Variants in NR2C2 observed in about 807,000 individuals in gnomAD.
The protein encoded by NR2C2 is Nuclear hormone receptor TR4.
A neutral mutation model predicts 62.9 loss-of-function variants in NR2C2; 6 were observed. The ratio of observed to expected loss-of-function variants is 0.10; its 90% CI spans 0.05 to 0.19. NR2C2 has a LOEUF of 0.19. Among genes scored for constraint, NR2C2 ranks in the 10% least tolerant of loss-of-function variants. The probability of loss-of-function intolerance (pLI) is 1.00; values close to 1 mark genes in which losing one functional copy is unlikely to be tolerated. For synonymous variants in NR2C2, 272 were observed against 273.8 expected (o/e 0.99, Z 0.07); for missense variants, 479 against 762.7 (o/e 0.63, Z 4.38).
rs781624185 is a variant in NR2C2 at position 15,035,984 on chromosome 3, C to T, written c.1372+1175C>T. On this transcript the variant is annotated intron_variant, in intron 11 of 13. Transcript: ENST00000425241. ...CGGAGGTTGCAGTGAGCCGAGATCA[C>T]GCCACTGCACTGCAGCCTGGGCAAC... Among the ~76,000 whole-genome samples, 9 of 151,514 alleles carry T rather than the reference C, an allele frequency of 5.9e-5. No homozygotes were observed. In the East Asian group the frequency reaches 1.6e-3, roughly 26 times the overall value.
chr3:15,034,315 C>T (rs750233589), intron 10 of NR2C2: 8 of 174,442 alleles, frequency 4.6e-5, no homozygotes, highest in Non-Finnish European at 8.5e-5. Context: ...CTCTCATGAC[C>T]TTGGCTGCAG....
chr3:15,023,533 T>C (rs2041735634), intron 6 of NR2C2, among the ~76,000 whole-genome samples, 186 bp downstream of exon 6: 1 of 152,206 alleles, frequency 6.6e-6, no homozygotes, highest in Non-Finnish European at 1.5e-5. Flanking sequence ...ATGCCTGATT[T>C]ATGAAGGGGT....
intron 1 of NR2C2, among the ~76,000 whole-genome samples, chr3:14,965,451 G>A (rs76636254): frequency 0.017 from 2,356 of 138,428 alleles, 66 homozygotes; most frequent in African/African-American, 0.059. Context: ...AAAATTTTCT[G>A]CCAAATACCT....
chr3:15,023,076 C>A, intron 5 of NR2C2, 124 bp from the exon 6 acceptor site: 2 of 1,051,658 alleles, frequency 1.9e-6, no homozygotes, highest in Non-Finnish European at 2.7e-6. Flanking sequence ...ACTGTGAAAG[C>A]TGAGCTAGAT....
At chr3:15,017,540 G>C (rs772039291) in intron 4 of NR2C2, among the ~76,000 whole-genome samples, 1 of 152,104 alleles carries the variant, frequency 6.6e-6, no homozygotes, top group East Asian at 1.9e-4. Context: ...AAGCATGAAC[G>C]TAACAAAAGG....
At chr3:15,018,171 G>A (rs1326199261) in intron 4 of NR2C2, among the ~76,000 whole-genome samples, 1 of 152,106 alleles carries the variant, frequency 6.6e-6, no homozygotes, top group African/African-American at 2.4e-5. Flanking sequence ...GCTAATTTTT[G>A]TATTTTTAGT....
At chr3:14,952,059 T>C (rs2039379682) in intron 1 of NR2C2, among the ~76,000 whole-genome samples, 1 of 152,230 alleles carries the variant, frequency 6.6e-6, no homozygotes, top group African/African-American at 2.4e-5. Context: ...GGGAAGTTTT[T>C]AGCATCTGTC....
At chr3:14,989,587 G>C (rs1009391996) in intron 1 of NR2C2, among the ~76,000 whole-genome samples, 94 of 152,124 alleles carry the variant, frequency 6.2e-4, no homozygotes, top group African/African-American at 2.1e-3. Context: ...ATGAGTTCAG[G>C]TATCAGTCTG....
intron 1 of NR2C2, among the ~76,000 whole-genome samples, chr3:14,989,106 G>A (rs898492424): frequency 6.6e-6 from 1 of 152,178 alleles, no homozygotes; most frequent in Admixed American, 6.5e-5. Flanking sequence ...ATGTCCATCA[G>A]GGGGCTACAG....
chr3:14,948,987 T>C (rs2039251939), intron 1 of NR2C2, among the ~76,000 whole-genome samples: 1 of 152,172 alleles, frequency 6.6e-6, no homozygotes. Flanking sequence ...GAAAATGGTG[T>C]TATTGTTAAA....
At chr3:15,040,065 G>GA (rs1441648930) in intron 13 of NR2C2, among the ~76,000 whole-genome samples, 4 of 151,954 alleles carry the variant, frequency 2.6e-5, no homozygotes, top group African/African-American at 9.7e-5. Flanking sequence ...TGAGGCAGGA[G>GA]AATCTCTTGA....
At chr3:15,032,919 T>C (rs901015137) in intron 10 of NR2C2, among the ~76,000 whole-genome samples, 12 of 152,142 alleles carry the variant, frequency 7.9e-5, no homozygotes, top group Non-Finnish European at 1.2e-4. Context: ...ACAGTGCCAA[T>C]TGGCACATTG....
intron 9 of NR2C2, among the ~76,000 whole-genome samples, chr3:15,030,828 AAAAT>A (rs545362677): frequency 1.3e-5 from 2 of 152,322 alleles, no homozygotes; most frequent in South Asian, 2.1e-4. Flanking sequence ...CTCCACCTCA[AAAAT>A]AAATAAATAA....
At chr3:15,003,826 T>C in intron 1 of NR2C2, 50 bp from the exon 2 acceptor site, 1 of 1,253,818 alleles carries the variant, frequency 8.0e-7, no homozygotes, top group Non-Finnish European at 1.2e-6. Flanking sequence ...AGGCCACCTC[T>C]GGGCATCATT....
intron 1 of NR2C2, among the ~76,000 whole-genome samples, chr3:14,964,674 C>G (rs1018525771): frequency 6.6e-6 from 1 of 151,162 alleles, no homozygotes; most frequent in Non-Finnish European, 1.5e-5. Flanking sequence ...GCCACCACAC[C>G]CGGCTAATTT....
intron 2 of NR2C2, among the ~76,000 whole-genome samples, chr3:15,012,119 A>G (rs1012433504): frequency 3.3e-5 from 5 of 151,818 alleles, no homozygotes; most frequent in Non-Finnish European, 7.4e-5. Context: ...TTTCTTGCCT[A>G]TGTCATTTTA....
intron 1 of NR2C2, among the ~76,000 whole-genome samples, chr3:14,985,507 A>G (rs187488453): frequency 1.1e-4 from 17 of 152,142 alleles, no homozygotes; most frequent in Non-Finnish European, 1.6e-4. Context: ...GGCTTAATTT[A>G]TTTTTAGTTT....
chr3:14,965,201 G>A (rs1211882928), intron 1 of NR2C2, among the ~76,000 whole-genome samples: 1 of 152,028 alleles, frequency 6.6e-6, no homozygotes, highest in East Asian at 1.9e-4. Flanking sequence ...ATATTTATTT[G>A]TTGCTTTATT....
At chr3:14,978,761 C>T (rs935906695) in intron 1 of NR2C2, among the ~76,000 whole-genome samples, 8 of 152,148 alleles carry the variant, frequency 5.3e-5, no homozygotes, top group Admixed American at 1.3e-4. Flanking sequence ...AGAACAGGGC[C>T]GCCCTCCTTC....
Sources: allele counts gnomAD v4.1 joint callset (sites outside exome capture counted in the v4.1 genomes callset), GRCh38; gene constraint gnomAD v4.1.1; transcripts MANE v1.5; gene names NCBI Gene and HGNC (gene_info 2026-07-23, HGNC 2026-07-21).